The following PCDHA4 variants were observed in gnomAD, a reference collection of about 807,000 sequenced individuals.
PCDHA4 encodes the protein protocadherin alpha 4.
In PCDHA4, 49 loss-of-function variants were observed where a neutral mutation model predicts 61.4. The ratio of observed to expected loss-of-function variants is 0.80; its 90% CI spans 0.63 to 1.01. The LOEUF is 1.01. PCDHA4 is among the 50% of genes least tolerant of loss of function. The pLI, the probability that PCDHA4 is intolerant of heterozygous loss-of-function variation, is 0.00. For synonymous variants in PCDHA4, 590 were observed against 550.3 expected, an observed-to-expected ratio of 1.07 and a Z score of -1.01; for missense variants, 1,254 against 1,235.8, an observed-to-expected ratio of 1.01 and a Z score of -0.22.
intron 1 of PCDHA4, among the ~76,000 whole-genome samples, chr5:140,934,109 A>G (rs2089636629): frequency 6.6e-6 from 1 of 151,948 alleles, no homozygotes; most frequent in Non-Finnish European, 1.5e-5. Flanking sequence ...CTATTTTATT[A>G]ATTTTCATAC....
intron 1 of PCDHA4, among the ~76,000 whole-genome samples, chr5:140,948,853 C>T (rs1385628610): frequency 6.6e-6 from 1 of 151,298 alleles, no homozygotes; most frequent in Non-Finnish European, 1.5e-5. Context: ...TATTTGCCTT[C>T]TTATATTACT....
intron 1 of PCDHA4, among the ~76,000 whole-genome samples, chr5:140,945,758 G>A (rs1483102794): frequency 6.6e-6 from 1 of 152,014 alleles, no homozygotes; most frequent in Non-Finnish European, 1.5e-5. Flanking sequence ...ATAAATGGTG[G>A]TGGGACAATT....
At chr5:140,843,109 A>T (rs2150352812) in intron 1 of PCDHA4, 2 of 1,595,800 alleles carry the variant, frequency 1.3e-6, no homozygotes. Context: ...AGGTGCGCGC[A>T]GTGGACGCCG....
chr5:140,836,594 C>T (rs2150264886), intron 1 of PCDHA4: 2 of 1,613,766 alleles, frequency 1.2e-6, no homozygotes, highest in African/African-American at 2.7e-5. Context: ...TGGTAAAGCC[C>T]ACTCTGGTGT....
At chr5:140,818,640 G>A (rs2150101817) in intron 1 of PCDHA4, among the ~76,000 whole-genome samples, 12 of 152,140 alleles carry the variant, frequency 7.9e-5, no homozygotes, top group Admixed American at 2.6e-4. Context: ...AGTTCAAGAT[G>A]AGCCTGAGCA....
intron 1 of PCDHA4, among the ~76,000 whole-genome samples, chr5:140,878,711 G>A (rs944193090): frequency 6.6e-5 from 10 of 152,156 alleles, no homozygotes; most frequent in East Asian, 1.9e-4. Context: ...GGTAGTAAAG[G>A]CATTAAAATT....
chr5:140,984,754 A>G (rs2097118359), intron 3 of PCDHA4, among the ~76,000 whole-genome samples: 1 of 152,158 alleles, frequency 6.6e-6, no homozygotes, highest in Admixed American at 6.5e-5. Context: ...ATTTGAGTTG[A>G]ATTCTAATCC....
At chr5:140,928,927 G>T (rs1359556123) in intron 1 of PCDHA4, 1 of 1,613,982 alleles carries the variant, frequency 6.2e-7, no homozygotes, top group Non-Finnish European at 8.5e-7. Context: ...GCAGCTTTCT[G>T]CCCAGAACTT....
chr5:140,948,959 C>T (rs1315047565), intron 1 of PCDHA4, among the ~76,000 whole-genome samples: 13 of 151,622 alleles, frequency 8.6e-5, no homozygotes, highest in South Asian at 6.2e-4. Context: ...ATTAAAGCCA[C>T]GAATTTATTA....
At chr5:140,850,141 T>G in intron 1 of PCDHA4, 1 of 1,595,586 alleles carries the variant, frequency 6.3e-7, no homozygotes, top group Non-Finnish European at 8.6e-7. Context: ...GGCAGCAACG[T>G]GACGCTGCAG....
intron 1 of PCDHA4, among the ~76,000 whole-genome samples, chr5:140,895,392 C>T (rs983338513): frequency 6.6e-5 from 10 of 152,148 alleles, no homozygotes; most frequent in African/African-American, 2.4e-4. Context: ...CAATTCTCAA[C>T]ACCATCAAAA....
intron 1 of PCDHA4, among the ~76,000 whole-genome samples, chr5:140,819,269 T>C (rs2150103634): frequency 0.058 from 8,891 of 152,232 alleles, 856 homozygotes; most frequent in African/African-American, 0.2. Context: ...ATAATTTCTA[T>C]AGATAAGAGA....
At chr5:140,871,224 C>G (rs1554165289) in intron 1 of PCDHA4, 3 of 1,613,902 alleles carry the variant, frequency 1.9e-6, no homozygotes. Context: ...GCGTGGTGTC[C>G]AGCCTCCTGG....
chr5:140,874,053 CAATTT>C (rs1290519215), intron 1 of PCDHA4, among the ~76,000 whole-genome samples: 1 of 152,190 alleles, frequency 6.6e-6, no homozygotes, highest in Non-Finnish European at 1.5e-5. Flanking sequence ...TGATATTAGA[CAATTT>C]AAATAATTAG....
At chr5:140,869,727 T>G in intron 1 of PCDHA4, 1 of 1,613,380 alleles carries the variant, frequency 6.2e-7, no homozygotes, top group Non-Finnish European at 8.5e-7. Flanking sequence ...CTCCGGAACT[T>G]AATTTGCTGC....
intron 1 of PCDHA4, chr5:140,850,587 G>C: frequency 1.3e-6 from 2 of 1,598,490 alleles, no homozygotes; most frequent in Non-Finnish European, 1.7e-6. Flanking sequence ...GGATGTCAAC[G>C]TGTACCTGAT....
Position 141,011,514 on chromosome 5 carries a change from GT to G in PCDHA4, c.*1584del, listed in dbSNP as rs35545269. 2 of 153,738 alleles carry G rather than the reference GT, an allele frequency of 1.3e-5. No homozygotes were observed. The highest frequency in any genetic ancestry group is 1.9e-4 in the East Asian group (1 of 5,186). The allele number at this position is 153,738 out of a possible 1,614,324, so 9.5% of individuals were successfully genotyped here. ...TACACCTGTGAAAAAGTGGAGTAGTGTTTTTTTAACCATTGTTAATCAGCTT... is the reference window on the plus strand; with the variant it reads ...TACACCTGTGAAAAAGTGGAGTAGTGTTTTTTAACCATTGTTAATCAGCTT... On this transcript the variant is annotated 3_prime_UTR_variant, in exon 4 of 4. Coordinates refer to ENST00000530339, the MANE Select transcript of PCDHA4 (RefSeq NM_018907.4).
chr5:140,809,002 G>C lies in PCDHA4; in HGVS notation c.1815G>C (p.Ala605=). 6.2e-7 allele frequency: 1 copy of C among 1,613,678 alleles called. No homozygotes were observed. Among genetic ancestry groups the C allele is most frequent in the South Asian group, 1.1e-5 (1 of 91,060 alleles). The change falls in exon 1 of 4, where the codon GCG becomes GCC. Residue 605 remains alanine (A), a synonymous_variant. Transcript: ENST00000530339. ...RAVDADSGYN[A]WLSYELQPGT... is the part of the protein sequence containing the mutation. ...TGGATGCTGACTCGGGCTACAACGC[G>C]TGGCTTTCGTACGAGCTGCAGCCGG...
chr5:140,856,901 C>A, intron 1 of PCDHA4: 1 of 1,595,974 alleles, frequency 6.3e-7, no homozygotes, highest in Non-Finnish European at 8.6e-7. Flanking sequence ...CTCTTTGGTC[C>A]CACCCACGAT....
Sources: gnomAD v4.1 joint callset for allele counts (sites outside exome capture counted in the v4.1 genomes callset) on GRCh38, gnomAD v4.1.1 for gene constraint, MANE v1.5 for transcripts, NCBI Gene and HGNC (gene_info 2026-07-23, HGNC 2026-07-21) for gene names.